PLD5: variants seen among roughly 807,000 people sequenced by gnomAD.
PLD5 encodes phospholipase D family member 5.
A neutral mutation model predicts 61.1 loss-of-function variants in PLD5; 36 were observed. That is an observed-to-expected ratio of 0.59 (90% CI 0.45 to 0.78). The LOEUF (loss-of-function observed/expected upper bound fraction) is 0.78, where lower values mean the gene tolerates loss of function less well. PLD5 is among the 30% of genes least tolerant of loss of function. The pLI, the probability that PLD5 is intolerant of heterozygous loss-of-function variation, is 0.00. For synonymous variants in PLD5, 243 were observed against 242.8 expected, an observed-to-expected ratio of 1.00 and a Z score of -0.01; for missense variants, 515 against 644.4, an observed-to-expected ratio of 0.80 and a Z score of 2.17.
At chr1:242,457,045 AT>A (rs1365745468) in intron 1 of PLD5, among the ~76,000 whole-genome samples, 1 of 152,174 alleles carries the variant, frequency 6.6e-6, no homozygotes, top group Admixed American at 6.5e-5. Context: ...TCATCCACTT[AT>A]CCAGGGGGTC....
chr1:242,372,251 G>C (rs575874819), intron 1 of PLD5, among the ~76,000 whole-genome samples: 34 of 152,100 alleles, frequency 2.2e-4, no homozygotes, highest in Non-Finnish European at 3.8e-4. Context: ...CCATAGCACA[G>C]CTATTTCCAC....
intron 1 of PLD5, among the ~76,000 whole-genome samples, chr1:242,480,759 T>A (rs1246545676): frequency 6.6e-6 from 1 of 152,156 alleles, no homozygotes; most frequent in Non-Finnish European, 1.5e-5. Flanking sequence ...CTCAACTTCA[T>A]TAGTCATTAG....
chr1:242,278,282 A>C (rs1297610204), intron 3 of PLD5, among the ~76,000 whole-genome samples: 1 of 152,244 alleles, frequency 6.6e-6, no homozygotes, highest in Non-Finnish European at 1.5e-5. Flanking sequence ...ACAAGCAAGC[A>C]AACTCAGATA....
At position 242,494,086 on chromosome 1, in the gene PLD5, CTCCCT is replaced by C. The variant is rs1163121788; in HGVS notation, c.189+29997_189+30001del. Among the ~76,000 whole-genome samples, 9 of 103,076 alleles carry C rather than the reference CTCCCT, an allele frequency of 8.7e-5. 1 individual carries two copies. The highest frequency in any genetic ancestry group is 3.3e-4 in the African/African-American group (9 of 27,060). The allele number at this position is 103,076 out of a possible 152,430, so 67.6% of individuals were successfully genotyped here. A position where few individuals can be genotyped will look rare whatever the true frequency, so the allele number is the denominator to read the frequency against. On this transcript the variant is annotated intron_variant, in intron 1 of 9. Transcript: ENST00000536534. ...CTTCCCTCCACTCCCCTCCCCTGCCCTCCCTTCCCCTCTCCTCCCCTCTCCTCCCC... is the reference window on the plus strand; with the variant it reads ...CTTCCCTCCACTCCCCTCCCCTGCCCTCCCCTCTCCTCCCCTCTCCTCCCC...
In PLD5 at chr1:242,373,217, T is replaced by C. The variant is rs77734960; in HGVS notation, c.190-24975A>G. On this transcript the variant is annotated intron_variant, in intron 1 of 9. Coordinates refer to ENST00000536534, the MANE Select transcript of PLD5 (RefSeq NM_001372062.1). Reference sequence around the variant, plus strand: ...TGAAAAAATGCTCATCATCACTGGCTATCAGAGAAACGCAAATCAAAACCA... The same window carrying C: ...TGAAAAAATGCTCATCATCACTGGCCATCAGAGAAACGCAAATCAAAACCA... 3.4e-3 allele frequency among the ~76,000 whole-genome samples: 519 copies of C among 152,268 alleles called. 2 individuals carry two copies. Among genetic ancestry groups the C allele is most frequent in the Non-Finnish European group, 5.2e-3 (353 of 68,012 alleles).
Position 242,442,226 on chromosome 1 carries a change from A to C in PLD5, c.189+81862T>G, listed in dbSNP as rs529084221. Among the ~76,000 whole-genome samples the C allele has an allele frequency of 3.4e-3, 523 of 152,358 alleles. 2 individuals carry two copies. Among genetic ancestry groups the C allele is most frequent in the Non-Finnish European group, 5.5e-3 (375 of 68,044 alleles). Reference sequence around the variant, plus strand: ...ATTCTAAAGTACCAGAGTTCCTTAAAAAATGCTTATATGTTTTTTTGTAAA... The same window carrying C: ...ATTCTAAAGTACCAGAGTTCCTTAACAAATGCTTATATGTTTTTTTGTAAA... On this transcript the variant is annotated intron_variant, in intron 1 of 9. Coordinates refer to ENST00000536534, the MANE Select transcript of PLD5 (RefSeq NM_001372062.1).
chr1:242,198,451 GT>G lies in PLD5; in HGVS notation c.735+21536del, dbSNP rs11407961. Among the ~76,000 whole-genome samples the G allele has an allele frequency of 4.0e-5, 6 of 151,018 alleles. No homozygotes were observed. The South Asian group carries it at 6.3e-4, about 16-fold the overall frequency. On this transcript the variant is annotated intron_variant, in intron 5 of 9. Transcript: ENST00000536534. Reference sequence around the variant, plus strand: ...GTGACCAGTCCTTCCAACTGAAATTGTTTTTTTTTATTTGCTATAAAAACTG... The same window carrying G: ...GTGACCAGTCCTTCCAACTGAAATTGTTTTTTTTATTTGCTATAAAAACTG...
intron 1 of PLD5, among the ~76,000 whole-genome samples, chr1:242,399,901 G>A (rs1224597584): frequency 1.3e-5 from 2 of 152,188 alleles, no homozygotes; most frequent in African/African-American, 4.8e-5. Context: ...TGGCGTGGTG[G>A]CTCACGCCTG....
At chr1:242,156,445 G>T (rs1665377533) in intron 5 of PLD5, among the ~76,000 whole-genome samples, 1 of 152,256 alleles carries the variant, frequency 6.6e-6, no homozygotes, top group South Asian at 2.1e-4. Flanking sequence ...TCTTCATAGT[G>T]TCAATGGTCT....
intron 2 of PLD5, among the ~76,000 whole-genome samples, chr1:242,293,295 G>A (rs1675475612): frequency 6.6e-6 from 1 of 152,152 alleles, no homozygotes; most frequent in East Asian, 1.9e-4. Flanking sequence ...AAGGAAGACC[G>A]AGTTTATGAC....
chr1:242,175,877 AG>A (rs1667107337), intron 5 of PLD5, among the ~76,000 whole-genome samples: 1 of 152,156 alleles, frequency 6.6e-6, no homozygotes, highest in Non-Finnish European at 1.5e-5. Context: ...GAACTTACCA[AG>A]GGGTGTAAAG....
chr1:242,151,101 C>T (rs899977659), intron 5 of PLD5, among the ~76,000 whole-genome samples: 1 of 151,810 alleles, frequency 6.6e-6, no homozygotes, highest in Non-Finnish European at 1.5e-5. Context: ...CAATTCCTCC[C>T]TCCCATCCTT....
chr1:242,495,270 A>G (rs1668334054), intron 1 of PLD5, among the ~76,000 whole-genome samples: 1 of 152,074 alleles, frequency 6.6e-6, no homozygotes, highest in South Asian at 2.1e-4. Flanking sequence ...ATGCTTGTTC[A>G]CCAGTTTCCA....
At chr1:242,420,279 A>T (rs1665066908) in intron 1 of PLD5, among the ~76,000 whole-genome samples, 1 of 152,146 alleles carries the variant, frequency 6.6e-6, no homozygotes, top group Non-Finnish European at 1.5e-5. Context: ...GCCCAGAATG[A>T]AGGTCAGAAC....
intron 7 of PLD5, among the ~76,000 whole-genome samples, chr1:242,110,640 T>A (rs575710860): frequency 4.6e-5 from 7 of 152,228 alleles, no homozygotes; most frequent in African/African-American, 1.4e-4. Flanking sequence ...TGAAACCCCA[T>A]CTCTACTAAA....
intron 1 of PLD5, among the ~76,000 whole-genome samples, chr1:242,415,110 T>C (rs1664749493): frequency 6.6e-6 from 1 of 152,214 alleles, no homozygotes; most frequent in African/African-American, 2.4e-5. Context: ...ACACTGTTGT[T>C]GAGGCTGAGG....
intron 1 of PLD5, among the ~76,000 whole-genome samples, chr1:242,411,718 G>A (rs534884300): frequency 3.1e-4 from 47 of 152,276 alleles, no homozygotes; most frequent in Non-Finnish European, 5.0e-4. Context: ...AATAAGAGAC[G>A]TTTCCCTATA....
intron 1 of PLD5, among the ~76,000 whole-genome samples, chr1:242,451,720 A>G (rs1323776616): frequency 6.6e-6 from 1 of 151,914 alleles, no homozygotes; most frequent in East Asian, 1.9e-4. Context: ...TCAGCCTCCC[A>G]TCGTGCTAGG....
At chr1:242,138,199 C>A (rs1486993674) in intron 5 of PLD5, among the ~76,000 whole-genome samples, 2 of 152,164 alleles carry the variant, frequency 1.3e-5, no homozygotes, top group Non-Finnish European at 2.9e-5. Flanking sequence ...GAGCATCTCT[C>A]ACATACAAGG....
Sources: gnomAD v4.1 joint callset for allele counts (sites outside exome capture counted in the v4.1 genomes callset) on GRCh38, gnomAD v4.1.1 for gene constraint, MANE v1.5 for transcripts, NCBI Gene and HGNC (gene_info 2026-07-23, HGNC 2026-07-21) for gene names.